GINS1: variants seen among roughly 807,000 people sequenced by gnomAD.
GINS1 encodes the protein GINS complex subunit 1.
Under a neutral mutation model 34.9 loss-of-function variants are expected in GINS1, and 26 were observed. The ratio of observed to expected loss-of-function variants is 0.74; its 90% CI spans 0.55 to 1.03. The LOEUF (loss-of-function observed/expected upper bound fraction) is 1.03, where lower values mean the gene tolerates loss of function less well. GINS1 is among the 50% of genes least tolerant of loss of function. The probability of loss-of-function intolerance (pLI) is 0.00; values close to 1 mark genes in which losing one functional copy is unlikely to be tolerated. For missense variants in GINS1, 235 were observed against 237.9 expected (o/e 0.99, Z 0.08); for synonymous variants, 97 against 84.4 (o/e 1.15, Z -0.82).
intron 5 of GINS1, among the ~76,000 whole-genome samples, chr20:25,441,187 A>C (rs1237564294): frequency 6.6e-6 from 1 of 152,176 alleles, no homozygotes; most frequent in African/African-American, 2.4e-5. Context: ...CCACTCCTGA[A>C]TCCTGTCACG....
intron 6 of GINS1, among the ~76,000 whole-genome samples, chr20:25,444,404 T>C (rs1453083096): frequency 6.6e-6 from 1 of 152,250 alleles, no homozygotes; most frequent in Non-Finnish European, 1.5e-5. Flanking sequence ...TCCATCTGTT[T>C]AATACCAGCA....
intron 6 of GINS1, among the ~76,000 whole-genome samples, chr20:25,444,636 T>C (rs1179744665): frequency 1.3e-5 from 2 of 152,160 alleles, no homozygotes; most frequent in Non-Finnish European, 2.9e-5. Flanking sequence ...TGACCACCTA[T>C]GAATTGAAAA....
chr20:25,413,983 A>G, intron 2 of GINS1, 129 bp downstream of exon 2: 1 of 592,904 alleles, frequency 1.7e-6, no homozygotes, highest in South Asian at 1.8e-5. Flanking sequence ...CGAGGTCAGG[A>G]GTTTGAGATC....
chr20:25,413,871 G>A lies in GINS1; in HGVS notation c.140+17G>A. 7.1e-7 allele frequency: 1 copy of A among 1,404,396 alleles called. No individual in the cohort carries two copies. Among genetic ancestry groups the A allele is most frequent in the Non-Finnish European group, 1.0e-6 (1 of 988,364 alleles). 87.0% of individuals were successfully genotyped at this position (1,404,396 alleles called of 1,614,324 possible). On this transcript the variant is annotated intron_variant, in intron 2 of 6. Transcript: ENST00000262460. ...GTCTGATGTGTAAGTTTCATAAGAT[G>A]ATATTCTAAAACAATTCAATAATTA...
chr20:25,445,808 A>C (rs2090509029), intron 6 of GINS1, 115 bp from the exon 7 acceptor site: 7 of 675,982 alleles, frequency 1.0e-5, no homozygotes, highest in Non-Finnish European at 1.8e-5. Flanking sequence ...TCAACTACTT[A>C]CTTGTTGGAG....
At chr20:25,412,359 G>C (rs540869551) in intron 1 of GINS1, among the ~76,000 whole-genome samples, 26 of 151,792 alleles carry the variant, frequency 1.7e-4, no homozygotes, top group Non-Finnish European at 3.2e-4. Context: ...TTCAAGACCA[G>C]CCTGGCCAAT....
intron 5 of GINS1, among the ~76,000 whole-genome samples, chr20:25,427,176 C>T (rs1418616155): frequency 3.9e-5 from 6 of 151,960 alleles, no homozygotes; most frequent in Non-Finnish European, 5.9e-5. Flanking sequence ...TATTTTGTTT[C>T]GTTTTTGAGA....
chr20:25,407,791 G>C lies in GINS1; in HGVS notation c.-30G>C, dbSNP rs1329117304. The stretch of plus-strand genomic sequence containing the variant: ...ATTTTGGCGTGAGAGCTGGTGGTTG[G>C]CAAGGCCGCGGGAGTGGGAAGCGTC... On this transcript the variant is annotated 5_prime_UTR_variant, in exon 1 of 7. Transcript: ENST00000262460. 1 of 1,595,960 alleles carries C rather than the reference G, an allele frequency of 6.3e-7. No individual in the cohort carries two copies. The highest frequency in any genetic ancestry group is 8.6e-7 in the Non-Finnish European group (1 of 1,163,936).
At chr20:25,428,988 T>C (rs1323509865) in intron 5 of GINS1, among the ~76,000 whole-genome samples, 8 of 25,202 alleles carry the variant, frequency 3.2e-4, no homozygotes, top group Non-Finnish European at 5.0e-4. Context: ...TTTTTTTTTT[T>C]TTTTTTTTTT....
chr20:25,423,474 T>C (rs1297217330), intron 4 of GINS1, among the ~76,000 whole-genome samples: 1 of 123,280 alleles, frequency 8.1e-6, no homozygotes, highest in Non-Finnish European at 1.7e-5. Flanking sequence ...TTTTTTTTTT[T>C]TTTTTTTTTT....
intron 5 of GINS1, among the ~76,000 whole-genome samples, chr20:25,429,209 C>G (rs139751936): frequency 6.6e-6 from 1 of 151,928 alleles, no homozygotes; most frequent in Non-Finnish European, 1.5e-5. Context: ...AGGCTGGTCT[C>G]GAACTCCTGA....
intron 1 of GINS1, among the ~76,000 whole-genome samples, chr20:25,410,076 T>A (rs1341826394): frequency 1.3e-5 from 2 of 152,156 alleles, no homozygotes; most frequent in Non-Finnish European, 2.9e-5. Context: ...GAGTGGTGGC[T>A]CACGCCTGTA....
chr20:25,421,451 A>G (rs565741220), intron 4 of GINS1, among the ~76,000 whole-genome samples: 1 of 152,304 alleles, frequency 6.6e-6, no homozygotes, highest in Admixed American at 6.5e-5. Flanking sequence ...TAAAAATCTT[A>G]TTATCTGATT....
chr20:25,430,961 T>C lies in GINS1; in HGVS notation c.447+5634T>C, dbSNP rs549467765. ...GAGTTAGGGAGGTGTTCCCTCCTTT[T>C]ATATTTTTTAGAAAAGTTTGAGAAG... On this transcript the variant is annotated intron_variant, in intron 5 of 6. Coordinates refer to ENST00000262460, the MANE Select transcript of GINS1 (RefSeq NM_021067.5). Among the ~76,000 whole-genome samples the C allele has an allele frequency of 1.2e-4, 19 of 152,376 alleles. No homozygotes were observed. In the South Asian group the frequency reaches 3.9e-3, roughly 32 times the overall value.
intron 6 of GINS1, among the ~76,000 whole-genome samples, chr20:25,444,354 A>G (rs931509775): frequency 6.6e-6 from 1 of 152,118 alleles, no homozygotes; most frequent in Non-Finnish European, 1.5e-5. Context: ...ATTTGTCACT[A>G]TGGCAAGCAC....
chr20:25,407,918 C>G, intron 1 of GINS1, 23 bp downstream of exon 1: 1 of 1,579,836 alleles, frequency 6.3e-7, no homozygotes, highest in Non-Finnish European at 8.7e-7. Flanking sequence ...TAGACTTGGA[C>G]GGGGCATGCC....
At position 25,421,328 on chromosome 20, in the gene GINS1, C is replaced by A. The variant is rs550138910; in HGVS notation, c.330+3133C>A. Among the ~76,000 whole-genome samples the A allele has an allele frequency of 2.0e-5, 3 of 152,044 alleles. No individual in the cohort carries two copies. In the South Asian group the frequency reaches 6.2e-4, roughly 31 times the overall value. ...TTTCAATATTGTTGACTCAGGCTAG[C>A]AATAAAAGTAAAAGCAGAGCTAAAA... On this transcript the variant is annotated intron_variant, in intron 4 of 6. Transcript: ENST00000262460.
At chr20:25,440,844 CA>C (rs2090478615) in intron 5 of GINS1, among the ~76,000 whole-genome samples, 1 of 143,994 alleles carries the variant, frequency 6.9e-6, no homozygotes, top group Non-Finnish European at 1.5e-5. Context: ...AAAGAAAAAA[CA>C]GCAAATGCAA....
At chr20:25,443,980 T>TATCTATCTATCTATC (rs2090496781) in intron 6 of GINS1, among the ~76,000 whole-genome samples, 5 of 142,918 alleles carry the variant, frequency 3.5e-5, no homozygotes, top group South Asian at 2.4e-4. Context: ...TAGGAAACAT[T>TATCTATCTATCTATC]TATCTATCTA....
Sources: gnomAD v4.1 joint callset for allele counts (sites outside exome capture counted in the v4.1 genomes callset) on GRCh38, gnomAD v4.1.1 for gene constraint, MANE v1.5 for transcripts, NCBI Gene and HGNC (gene_info 2026-07-23, HGNC 2026-07-21) for gene names.